The following ITPKC variants were observed in gnomAD, a reference collection of about 807,000 sequenced individuals.
ITPKC encodes the protein IP3 3-kinase C.
ITPKC carries 33 observed loss-of-function variants against 67.1 expected under a neutral mutation model. The ratio of observed to expected loss-of-function variants is 0.49; its 90% CI spans 0.37 to 0.66. ITPKC has a LOEUF of 0.66. Among genes scored for constraint, ITPKC ranks in the 30% least tolerant of loss-of-function variants. ITPKC has a pLI of 0.00. For synonymous variants in ITPKC, 341 were observed against 359.8 expected, an observed-to-expected ratio of 0.95 and a Z score of 0.59; for missense variants, 820 against 892.1, an observed-to-expected ratio of 0.92 and a Z score of 1.03.
At chr19:40,729,446 G>A (rs1351759763) in intron 3 of ITPKC, 31 bp downstream of exon 3, 1 of 1,572,426 alleles carries the variant, frequency 6.4e-7, no homozygotes, top group Admixed American at 1.8e-5. Context: ...GGGCAGGGAT[G>A]GAGGGCAGGG....
chr19:40,736,704 C>T (rs1014653205), intron 4 of ITPKC, among the ~76,000 whole-genome samples: 15 of 152,042 alleles, frequency 9.9e-5, no homozygotes, highest in Non-Finnish European at 8.8e-5. Context: ...GGGGTTTCAC[C>T]GTGTTGGCCA....
intron 4 of ITPKC, among the ~76,000 whole-genome samples, chr19:40,736,355 C>T (rs187829255): frequency 1.6e-4 from 24 of 151,946 alleles, no homozygotes; most frequent in African/African-American, 5.1e-4. Context: ...AGCCCACTTT[C>T]CTAGATGGGT....
At position 40,718,193 on chromosome 19, in the gene ITPKC, G is replaced by C. The variant is rs1330462609; in HGVS notation, c.1058G>C (p.Gly353Ala). ...GGACCCCCCTCCCGGGTTGAGGGGG[G>C]CAGCGGCGGCTTCTCCTCTGCCTCT... ...PVGPPSRVEG[G>A]SGGFSSASSF... Residue 353 changes from glycine (G) to alanine (A), a missense_variant, in exon 1 of 7, where the codon GGC becomes GCC. Transcript: ENST00000263370. 6.4e-7 allele frequency: 1 copy of C among 1,573,368 alleles called. No homozygotes were observed. The highest frequency in any genetic ancestry group is 8.6e-7 in the Non-Finnish European group (1 of 1,163,194).
intron 2 of ITPKC, among the ~76,000 whole-genome samples, chr19:40,727,347 T>TAAAATA (rs55682401): frequency 1.9e-4 from 28 of 148,088 alleles, no homozygotes; most frequent in South Asian, 8.6e-4. Context: ...AATAAATAAA[T>TAAAATA]AAATAAAATA....
intron 1 of ITPKC, among the ~76,000 whole-genome samples, chr19:40,719,225 G>A (rs1244346306): frequency 6.6e-6 from 1 of 152,146 alleles, no homozygotes; most frequent in Non-Finnish European, 1.5e-5. Context: ...CACACATGTG[G>A]CCCTAGCTGT....
Position 40,717,454 on chromosome 19 carries a change from G to A in ITPKC, c.319G>A (p.Glu107Lys), listed in dbSNP as rs775698126. ...PAAAGLGVET[E>K]RPKQKTEPDR... Reference sequence around the variant, plus strand: ...GGCAGCTGGCCTTGGAGTAGAGACCGAGAGGCCCAAGCAAAAGACGGAGCC... The same window carrying A: ...GGCAGCTGGCCTTGGAGTAGAGACCAAGAGGCCCAAGCAAAAGACGGAGCC... Residue 107 changes from glutamate to lysine, a missense_variant, in exon 1 of 7, where the codon GAG (glutamate) becomes AAG (lysine). Glu to Lys is a moderately conservative substitution (Grantham distance 56). Transcript: ENST00000263370. 1.2e-6 allele frequency: 2 copies of A among 1,614,076 alleles called. No individual in the cohort carries two copies. The highest frequency in any genetic ancestry group is 2.2e-5 in the South Asian group (2 of 91,086).
intron 2 of ITPKC, among the ~76,000 whole-genome samples, chr19:40,728,055 A>G (rs1266145852): frequency 2.0e-5 from 3 of 152,200 alleles, no homozygotes; most frequent in African/African-American, 4.8e-5. Context: ...TCTGAGACCC[A>G]CTGTGATCAG....
At position 40,739,796 on chromosome 19, in the gene ITPKC, G is replaced by A. The variant is rs1568454011; in HGVS notation, c.*236G>A. ...GGGGACCTGGAAGGAAGGTGATGAGGCAGTGAGTCAGAAAAACCAGAACGG... is the reference window on the plus strand; with the variant it reads ...GGGGACCTGGAAGGAAGGTGATGAGACAGTGAGTCAGAAAAACCAGAACGG... On this transcript the variant is annotated 3_prime_UTR_variant, in exon 7 of 7. Transcript: ENST00000263370. The A allele has an allele frequency of 1.8e-6, 1 of 560,380 alleles. No individual in the cohort carries two copies. The highest frequency in any genetic ancestry group is 3.0e-5 in the East Asian group (1 of 33,306). 34.7% of individuals were successfully genotyped at this position (560,380 alleles called of 1,614,324 possible). A position where few individuals can be genotyped will look rare whatever the true frequency, so the allele number is the denominator to read the frequency against.
At chr19:40,733,408 G>A (rs2082280958) in intron 4 of ITPKC, 44 bp downstream of exon 4, 1 of 1,543,038 alleles carries the variant, frequency 6.5e-7, no homozygotes, top group Non-Finnish European at 8.8e-7. Context: ...AAGGCCTATA[G>A]CCAGATCCCA....
At chr19:40,733,419 G>A in intron 4 of ITPKC, 55 bp downstream of exon 4, 6 of 1,514,454 alleles carry the variant, frequency 4.0e-6, no homozygotes, top group Non-Finnish European at 5.4e-6. Flanking sequence ...CCAGATCCCA[G>A]GCAGGGCTTC....
At chr19:40,724,438 G>T (rs1239966742) in intron 1 of ITPKC, among the ~76,000 whole-genome samples, 1 of 152,140 alleles carries the variant, frequency 6.6e-6, no homozygotes, top group Non-Finnish European at 1.5e-5. Context: ...GTTCAGGAGG[G>T]CAGGGACATC....
Position 40,733,269 on chromosome 19 carries a change from C to T in ITPKC, c.1579C>T (p.His527Tyr), listed in dbSNP as rs1464302119. ...VDPGAPTPEEHAQGAVTKPRY... is the reference protein window; with the variant it reads ...VDPGAPTPEEYAQGAVTKPRY... Reference sequence around the variant, plus strand: ...CCCTGGGGCCCCTACCCCTGAGGAGCATGCCCAGGGTGCAGTCACCAAGCC... The same window carrying T: ...CCCTGGGGCCCCTACCCCTGAGGAGTATGCCCAGGGTGCAGTCACCAAGCC... Residue 527 changes from histidine (H) to tyrosine (Y), a missense_variant, in exon 4 of 7, where the codon CAT (histidine) becomes TAT (tyrosine). Transcript: ENST00000263370. The T allele has an allele frequency of 4.3e-6, 7 of 1,614,022 alleles. No individual in the cohort carries two copies. The highest frequency in any genetic ancestry group is 5.9e-6 in the Non-Finnish European group (7 of 1,180,002).
chr19:40,723,794 G>A lies in ITPKC; in HGVS notation c.1156-1546G>A, dbSNP rs189944648. Among the ~76,000 whole-genome samples the A allele has an allele frequency of 2.1e-3, 316 of 152,258 alleles. 1 individual carries two copies. Among genetic ancestry groups the A allele is most frequent in the South Asian group, 0.015 (74 of 4,818 alleles). ...TTACAGGTGAGAGCCACCACACCCGGCCTATTTCTTTATCTTTTAGCAATT... is the reference window on the plus strand; with the variant it reads ...TTACAGGTGAGAGCCACCACACCCGACCTATTTCTTTATCTTTTAGCAATT... On this transcript the variant is annotated intron_variant, in intron 1 of 6. Coordinates refer to ENST00000263370, the MANE Select transcript of ITPKC (RefSeq NM_025194.3).
rs772087170 is a variant in ITPKC at position 40,739,598 on chromosome 19, G to A, written c.*38G>A. ...CCATCAGGTTAATTGGATGGCGCCA[G>A]TCTGGCTGGAGGAGCCCTGAGATGC... is the stretch of plus-strand genomic sequence containing the variant. On this transcript the variant is annotated 3_prime_UTR_variant, in exon 7 of 7. Transcript: ENST00000263370. 9 of 1,576,726 alleles carry A rather than the reference G, an allele frequency of 5.7e-6. No homozygotes were observed. The highest frequency in any genetic ancestry group is 1.8e-5 in the Admixed American group (1 of 56,504).
At chr19:40,727,868 G>A (rs1211775923) in intron 2 of ITPKC, among the ~76,000 whole-genome samples, 1 of 152,166 alleles carries the variant, frequency 6.6e-6, no homozygotes, top group East Asian at 1.9e-4. Flanking sequence ...AGGCGGGAGT[G>A]CAGTGGTGCA....
At chr19:40,718,934 T>C (rs571596859) in intron 1 of ITPKC, among the ~76,000 whole-genome samples, 7 of 152,106 alleles carry the variant, frequency 4.6e-5, no homozygotes, top group African/African-American at 1.7e-4. Context: ...CCCTGAACAC[T>C]CTTGTTTACT....
intron 4 of ITPKC, among the ~76,000 whole-genome samples, chr19:40,734,354 T>C (rs1055218025): frequency 4.6e-5 from 7 of 152,092 alleles, no homozygotes; most frequent in African/African-American, 1.4e-4. Flanking sequence ...AGTATGCAGA[T>C]TGAGCTGTAG....
rs1240367935 is a variant in ITPKC at position 40,737,748 on chromosome 19, C to G, written c.1827C>G (p.Ser609=). 1 of 1,614,122 alleles carries G rather than the reference C, an allele frequency of 6.2e-7. No homozygotes were observed. Among genetic ancestry groups the G allele is most frequent in the South Asian group, 1.1e-5 (1 of 91,086 alleles). Reference sequence around the variant, plus strand: ...AACTTCGTGAAGCTCTGGAGATCTCCCCCTTCTTCAAGACCCACGAGGTGC... The same window carrying G: ...AACTTCGTGAAGCTCTGGAGATCTCGCCCTTCTTCAAGACCCACGAGGTGC... The part of the protein sequence containing the change: ...LEELREALEI[S]PFFKTHEVVG... Residue 609 remains serine, a synonymous_variant, in exon 6 of 7, where the codon TCC becomes TCG. Transcript: ENST00000263370.
chr19:40,723,257 G>A (rs1003005782), intron 1 of ITPKC, among the ~76,000 whole-genome samples: 4 of 152,028 alleles, frequency 2.6e-5, no homozygotes, highest in African/African-American at 9.7e-5. Flanking sequence ...CACTGCGCCC[G>A]GCCTAATTTT....
Sources: gnomAD v4.1 joint callset for allele counts (sites outside exome capture counted in the v4.1 genomes callset) on GRCh38, gnomAD v4.1.1 for gene constraint, MANE v1.5 for transcripts, NCBI Gene and HGNC (gene_info 2026-07-23, HGNC 2026-07-21) for gene names.